CAMSAP1: variants seen among roughly 807,000 people sequenced by gnomAD.
CAMSAP1 encodes calmodulin-regulated spectrin-associated protein 1.
In CAMSAP1, 58 loss-of-function variants were observed where a neutral mutation model predicts 143.5. The observed-to-expected ratio is 0.40, with a 90% CI of 0.33 to 0.50. CAMSAP1 has a LOEUF of 0.50. Ranked by LOEUF, CAMSAP1 falls within the 20% of genes least tolerant of loss-of-function variation. The pLI, the probability that CAMSAP1 is intolerant of heterozygous loss-of-function variation, is 0.45. For synonymous variants in CAMSAP1, 945 were observed against 859.3 expected (o/e 1.10, Z -1.74); for missense variants, 1,969 against 2,115.7 (o/e 0.93, Z 1.36).
At chr9:135,855,047 A>G (rs1836906624) in intron 5 of CAMSAP1, among the ~76,000 whole-genome samples, 2 of 151,712 alleles carry the variant, frequency 1.3e-5, no homozygotes, top group Non-Finnish European at 1.5e-5. Flanking sequence ...GCTGGAGTGC[A>G]GTGGCGTGAT....
At chr9:135,872,767 A>G (rs1398477914) in intron 3 of CAMSAP1, among the ~76,000 whole-genome samples, 1 of 152,264 alleles carries the variant, frequency 6.6e-6, no homozygotes, top group Non-Finnish European at 1.5e-5. Context: ...ATGAAAAGCA[A>G]CATCTCATAA....
intron 5 of CAMSAP1, among the ~76,000 whole-genome samples, chr9:135,860,178 C>T (rs985511852): frequency 8.5e-5 from 13 of 152,064 alleles, no homozygotes. Context: ...CTGCAGTGAA[C>T]CATGATCACA....
intron 1 of CAMSAP1, among the ~76,000 whole-genome samples, chr9:135,894,402 C>T (rs1028699910): frequency 6.6e-6 from 1 of 152,212 alleles, no homozygotes; most frequent in African/African-American, 2.4e-5. Flanking sequence ...ACGCACCTGA[C>T]GGTGATGCTG....
At chr9:135,879,672 AAAAC>A (rs1440517001) in intron 3 of CAMSAP1, among the ~76,000 whole-genome samples, 2 of 152,088 alleles carry the variant, frequency 1.3e-5, no homozygotes, top group Non-Finnish European at 2.9e-5. Context: ...TGGCCAAAAA[AAAAC>A]AAGCAAACAA....
intron 4 of CAMSAP1, among the ~76,000 whole-genome samples, chr9:135,864,511 G>T (rs931465732): frequency 6.6e-6 from 1 of 152,078 alleles, no homozygotes; most frequent in Non-Finnish European, 1.5e-5. Context: ...AAGGACACAG[G>T]CAGTTAATGG....
rs144492878 is a variant in CAMSAP1 at position 135,888,540 on chromosome 9, A to G, written c.161-5462T>C. On this transcript the variant is annotated intron_variant, in intron 1 of 16. Transcript: ENST00000389532. ...GGCACAGCCCAGAGACGTGCAGGAC[A>G]GTGAGTCTCTGCTCTGTTGCTTGTC... Among the ~76,000 whole-genome samples the G allele has an allele frequency of 6.6e-5, 10 of 152,278 alleles. No individual in the cohort carries two copies. In the East Asian group the frequency reaches 1.9e-3, roughly 29 times the overall value.
intron 5 of CAMSAP1, among the ~76,000 whole-genome samples, chr9:135,859,455 C>T (rs372614464): frequency 7.9e-5 from 12 of 152,136 alleles, no homozygotes; most frequent in African/African-American, 2.2e-4. Context: ...TGCAGTGGCA[C>T]GATCTCGGCT....
chr9:135,827,708 A>T (rs1025668319), intron 7 of CAMSAP1, 124 bp from the exon 8 acceptor site: 2 of 945,750 alleles, frequency 2.1e-6, no homozygotes, highest in Non-Finnish European at 2.9e-6. Context: ...GCCAAAAAAA[A>T]CTGGTTTCAA....
chr9:135,853,987 A>T (rs923137922), intron 5 of CAMSAP1, among the ~76,000 whole-genome samples: 4 of 152,204 alleles, frequency 2.6e-5, no homozygotes, highest in African/African-American at 9.7e-5. Flanking sequence ...TTTACATAGG[A>T]TTTTCAATCC....
chr9:135,811,703 G>T lies in CAMSAP1; in HGVS notation c.4507-92C>A. 7.9e-7 allele frequency: 1 copy of T among 1,265,238 alleles called. No homozygotes were observed. The allele number at this position is 1,265,238 out of a possible 1,614,324, so 78.4% of individuals were successfully genotyped here. A position where few individuals can be genotyped will look rare whatever the true frequency, so the allele number is the denominator to read the frequency against. On this transcript the variant is annotated intron_variant, in intron 16 of 16. Transcript: ENST00000389532. This position sits in a 1 kb window ranked among gnomAD's most constrained non-coding sequence, Gnocchi z 4.9. ...CTCCCACAGCGGCTCAACCAGCACC[G>T]CTCCGTGGGAAGCTCTCCCACCCGT...
intron 15 of CAMSAP1, 96 bp downstream of exon 15, chr9:135,815,794 C>T: frequency 9.7e-7 from 1 of 1,028,822 alleles, no homozygotes. Context: ...TAGAAAAATA[C>T]TTTTTAGACC....
intron 16 of CAMSAP1, among the ~76,000 whole-genome samples, chr9:135,814,383 C>T (rs941964284): frequency 1.3e-5 from 2 of 152,196 alleles, no homozygotes; most frequent in Admixed American, 6.5e-5. Flanking sequence ...CACTCATTCA[C>T]AAGCCGTTGT....
intron 5 of CAMSAP1, among the ~76,000 whole-genome samples, chr9:135,860,687 C>T (rs185820297): frequency 6.0e-5 from 9 of 150,938 alleles, no homozygotes; most frequent in Non-Finnish European, 4.4e-5. Context: ...ACCCCTCCGC[C>T]GTCTTCTTTA....
In CAMSAP1 at chr9:135,886,368, G is replaced by A. The variant is rs557942761; in HGVS notation, c.161-3290C>T. Among the ~76,000 whole-genome samples, 3 of 152,334 alleles carry A rather than the reference G, an allele frequency of 2.0e-5. No individual in the cohort carries two copies. The South Asian group carries it at 6.2e-4, about 32-fold the overall frequency. ...GCAGGAGACACCAGTCCCGCACTGAGGAGTGGGGCAGTGGGGCAGTGGGAT... is the reference window on the plus strand; with the variant it reads ...GCAGGAGACACCAGTCCCGCACTGAAGAGTGGGGCAGTGGGGCAGTGGGAT... On this transcript the variant is annotated intron_variant, in intron 1 of 16. Transcript: ENST00000389532.
intron 1 of CAMSAP1, among the ~76,000 whole-genome samples, chr9:135,902,312 A>T (rs1838641158): frequency 6.6e-6 from 1 of 152,250 alleles, no homozygotes; most frequent in Non-Finnish European, 1.5e-5. Flanking sequence ...CACCTTCAGA[A>T]ATGTGGCAAT....
chr9:135,876,461 T>C (rs1223618713), intron 3 of CAMSAP1, among the ~76,000 whole-genome samples: 1 of 152,178 alleles, frequency 6.6e-6, no homozygotes, highest in African/African-American at 2.4e-5. Flanking sequence ...CAAGCATCTT[T>C]ACCCATTAGG....
intron 1 of CAMSAP1, among the ~76,000 whole-genome samples, chr9:135,883,924 G>C (rs753651572): frequency 6.6e-6 from 1 of 152,168 alleles, no homozygotes; most frequent in Non-Finnish European, 1.5e-5. Context: ...CACACAAACA[G>C]CGCAGGAGCA....
At chr9:135,859,235 T>C (rs1444082076) in intron 5 of CAMSAP1, among the ~76,000 whole-genome samples, 2 of 152,230 alleles carry the variant, frequency 1.3e-5, no homozygotes, top group African/African-American at 2.4e-5. Context: ...CCCATGTTTG[T>C]CTTTACTGTC....
At chr9:135,898,508 T>A (rs765777873) in intron 1 of CAMSAP1, among the ~76,000 whole-genome samples, 47 of 151,986 alleles carry the variant, frequency 3.1e-4, no homozygotes, top group African/African-American at 8.4e-4. Flanking sequence ...TAAAGAAAAA[T>A]ATATATATAT....
Sources: gnomAD v4.1 joint callset for allele counts (sites outside exome capture counted in the v4.1 genomes callset) on GRCh38, gnomAD v4.1.1 for gene constraint, Gnocchi (gnomAD v3.1) non-coding constraint, MANE v1.5 for transcripts, NCBI Gene and HGNC (gene_info 2026-07-23, HGNC 2026-07-21) for gene names.